Variants in GRIK5 observed in about 807,000 individuals in gnomAD.
The protein encoded by GRIK5 is glutamate receptor ionotropic, kainate 5.
Under a neutral mutation model 97.4 loss-of-function variants are expected in GRIK5, and 43 were observed. The ratio of observed to expected loss-of-function variants is 0.44; its 90% confidence interval spans 0.35 to 0.57. The LOEUF (loss-of-function observed/expected upper bound fraction) is 0.57. Ranked by LOEUF, GRIK5 falls within the 20% of genes least tolerant of loss-of-function variation. The probability of loss-of-function intolerance (pLI) is 0.01; values close to 1 mark genes in which losing one functional copy is unlikely to be tolerated. For synonymous variants in GRIK5, 580 were observed against 583.5 expected, an observed-to-expected ratio of 0.99 and a Z score of 0.09; for missense variants, 1,015 against 1,382.0, an observed-to-expected ratio of 0.73 and a Z score of 4.21.
intron 12 of GRIK5, among the ~76,000 whole-genome samples, chr19:42,025,351 C>T (rs1214566182): frequency 3.3e-5 from 5 of 152,166 alleles, no homozygotes; most frequent in Admixed American, 3.3e-4. Flanking sequence ...CTCCTAGGGG[C>T]TTTATCTGCC....
At position 42,003,938 on chromosome 19, in the gene GRIK5, C is replaced by T. The variant is rs549536838; in HGVS notation, c.2264-255G>A. 6.6e-6 allele frequency among the ~76,000 whole-genome samples: 1 copy of T among 152,298 alleles called. No homozygotes were observed. The highest frequency in any genetic ancestry group is 1.9e-4 in the East Asian group (1 of 5,188). ...TGGCTTCCTGTTGCAAGCTCCTCCC[C>T]TCGGCCACTCTCAGACACCCTCACC... On this transcript the variant is annotated intron_variant, in intron 17 of 19. Coordinates refer to ENST00000593562, the MANE Select transcript of GRIK5 (RefSeq NM_002088.5). The surrounding 1 kb of genome is among the most constrained non-coding windows in gnomAD (Gnocchi z 4.2).
At chr19:42,028,584 C>G (rs971571676) in intron 12 of GRIK5, among the ~76,000 whole-genome samples, 4 of 152,264 alleles carry the variant, frequency 2.6e-5, no homozygotes, top group African/African-American at 7.2e-5. Flanking sequence ...CTCATCCAGC[C>G]TCTCTCCAGA....
rs1016006508 is a variant in GRIK5 at position 42,007,158 on chromosome 19, G to C, written c.1872-348C>G. Among the ~76,000 whole-genome samples the C allele has an allele frequency of 3.3e-5, 5 of 150,604 alleles. No homozygotes were observed. In the East Asian group the frequency reaches 7.8e-4, roughly 24 times the overall value. On this transcript the variant is annotated intron_variant, in intron 15 of 19. Coordinates refer to ENST00000593562, the MANE Select transcript of GRIK5 (RefSeq NM_002088.5). ...CAGCCAGGATGGAGTGCAGTGGCAC[G>C]ATCTCAGCTCACTGCAACCTCTACC...
intron 1 of GRIK5, among the ~76,000 whole-genome samples, chr19:42,068,206 T>G (rs2076366693): frequency 6.7e-6 from 1 of 149,016 alleles, no homozygotes; most frequent in African/African-American, 2.5e-5. Context: ...GGTGGGGAGA[T>G]GGAGTGAGTG....
chr19:42,029,095 G>T (rs1487131185), intron 12 of GRIK5, among the ~76,000 whole-genome samples: 2 of 152,018 alleles, frequency 1.3e-5, no homozygotes, highest in East Asian at 3.9e-4. Flanking sequence ...TTGAGACAGA[G>T]TCTTGCTCTG....
At chr19:42,036,227 T>C (rs1223868139) in intron 12 of GRIK5, among the ~76,000 whole-genome samples, 1 of 151,898 alleles carries the variant, frequency 6.6e-6, no homozygotes, top group Non-Finnish European at 1.5e-5. Context: ...GCCTGGCTAA[T>C]TTTTTTGTAC....
At chr19:42,037,485 A>C (rs901356687) in intron 12 of GRIK5, among the ~76,000 whole-genome samples, 5 of 152,102 alleles carry the variant, frequency 3.3e-5, no homozygotes, top group African/African-American at 1.2e-4. Context: ...ACAAACAAAC[A>C]AAAAAACCCT....
At chr19:42,035,215 A>C (rs2075887933) in intron 12 of GRIK5, among the ~76,000 whole-genome samples, 1 of 151,722 alleles carries the variant, frequency 6.6e-6, no homozygotes, top group Non-Finnish European at 1.5e-5. Flanking sequence ...TCCCAACCTC[A>C]GGTGATCCGC....
chr19:42,012,601 C>T lies in GRIK5; in HGVS notation c.1872-5791G>A, dbSNP rs967762977. Among the ~76,000 whole-genome samples, 13 of 152,156 alleles carry T rather than the reference C, an allele frequency of 8.5e-5. 1 individual carries two copies. In the East Asian group the frequency reaches 1.9e-3, roughly 23 times the overall value. On this transcript the variant is annotated intron_variant, in intron 15 of 19. Coordinates refer to ENST00000593562, the MANE Select transcript of GRIK5 (RefSeq NM_002088.5). ...AATGAAATCAGAAGAACAGGCTGGG[C>T]GCAGTGGTTCACACCTATAATCCGA...
chr19:42,003,318 C>T lies in GRIK5; in HGVS notation c.2514+14G>A. On this transcript the variant is annotated intron_variant, in intron 19 of 19. Coordinates refer to ENST00000593562, the MANE Select transcript of GRIK5 (RefSeq NM_002088.5). This position sits in a 1 kb window ranked among gnomAD's most constrained non-coding sequence, Gnocchi z 4.2. ...GTCCCTGTTCCTGCCCACCCCCACC[C>T]CCAGCCTCCTCACCTCCTCGGACTC... The T allele has an allele frequency of 6.2e-7, 1 of 1,607,374 alleles. No individual in the cohort carries two copies. Among genetic ancestry groups the T allele is most frequent in the Middle Eastern group, 1.7e-4 (1 of 6,032 alleles).
chr19:42,068,093 A>G (rs2076363658), intron 1 of GRIK5, among the ~76,000 whole-genome samples: 1 of 152,186 alleles, frequency 6.6e-6, no homozygotes, highest in African/African-American at 2.4e-5. Flanking sequence ...AGTCGGAAAG[A>G]GAGACAGTAT....
At chr19:42,001,253 C>T (rs979955740) in intron 19 of GRIK5, among the ~76,000 whole-genome samples, 10 of 152,180 alleles carry the variant, frequency 6.6e-5, no homozygotes, top group African/African-American at 2.4e-4. Flanking sequence ...CTTTTTGAGA[C>T]AGTCTCACTC....
chr19:42,053,496 C>T lies in GRIK5; in HGVS notation c.1269+106G>A, dbSNP rs2076142056. ...CTGCGTGCAGGAATCCCAGCCCCCA[C>T]TGGCCTATGCGCTGTGCCAGCCAAT... is the stretch of plus-strand genomic sequence containing the variant. On this transcript the variant is annotated intron_variant, in intron 11 of 19. Coordinates refer to ENST00000593562, the MANE Select transcript of GRIK5 (RefSeq NM_002088.5). 3 of 704,352 alleles carry T rather than the reference C, an allele frequency of 4.3e-6. No homozygotes were observed. In the East Asian group the frequency reaches 7.8e-5, roughly 18 times the overall value. 43.6% of individuals were successfully genotyped at this position (704,352 alleles called of 1,614,324 possible).
chr19:42,002,021 G>T lies in GRIK5; in HGVS notation c.2514+1311C>A. On this transcript the variant is annotated intron_variant, in intron 19 of 19. Transcript: ENST00000593562. The surrounding 1 kb of genome is among the most constrained non-coding windows in gnomAD (Gnocchi z 5.2). ...TGGGAAGGAGTGACCGGAGAAGTGG[G>T]AGAAGGGGAAGAAGGGGCTTTGAGG... 1.6e-6 allele frequency: 1 copy of T among 631,962 alleles called. No homozygotes were observed. 39.1% of individuals were successfully genotyped at this position (631,962 alleles called of 1,614,324 possible).
intron 12 of GRIK5, among the ~76,000 whole-genome samples, chr19:42,038,775 G>A (rs1240369366): frequency 6.6e-6 from 1 of 152,210 alleles, no homozygotes; most frequent in Non-Finnish European, 1.5e-5. Flanking sequence ...AAAGTTCCTC[G>A]CACATGGTGT....
intron 1 of GRIK5, among the ~76,000 whole-genome samples, chr19:42,068,228 C>T (rs900966759): frequency 1.3e-5 from 2 of 151,954 alleles, no homozygotes; most frequent in Admixed American, 6.5e-5. Flanking sequence ...ACTAGAGGGG[C>T]ACAGGCAGGG....
At chr19:42,056,184 A>G (rs935547037) in intron 8 of GRIK5, among the ~76,000 whole-genome samples, 3 of 151,674 alleles carry the variant, frequency 2.0e-5, no homozygotes, top group African/African-American at 7.3e-5. Flanking sequence ...GGGTTTCTCC[A>G]TGTTGGCCAG....
intron 12 of GRIK5, among the ~76,000 whole-genome samples, chr19:42,023,061 G>A (rs2075722119): frequency 6.6e-6 from 1 of 152,064 alleles, no homozygotes; most frequent in Non-Finnish European, 1.5e-5. Context: ...ATAACCACCA[G>A]GTAGAGAGAG....
chr19:42,059,776 T>C lies in GRIK5; in HGVS notation c.509-249A>G, dbSNP rs186578713. ...TCTCTGCCACCTTCCTGACCCCTCA[T>C]TGGGTGTCTTGACAGGTATCTCATG... On this transcript the variant is annotated intron_variant, in intron 5 of 19. Transcript: ENST00000593562. Among the ~76,000 whole-genome samples, 30 of 152,214 alleles carry C rather than the reference T, an allele frequency of 2.0e-4. No homozygotes were observed. The East Asian group carries it at 2.3e-3, about 12-fold the overall frequency.
Sources: gnomAD v4.1 joint callset for allele counts (sites outside exome capture counted in the v4.1 genomes callset) on GRCh38, gnomAD v4.1.1 for gene constraint, Gnocchi (gnomAD v3.1) non-coding constraint, MANE v1.5 for transcripts, NCBI Gene and HGNC (gene_info 2026-07-23, HGNC 2026-07-21) for gene names.